Variants in ABHD12B observed in about 807,000 individuals in gnomAD.
ABHD12B encodes the protein protein ABHD12B.
A neutral mutation model predicts 50.4 loss-of-function variants in ABHD12B; 42 were observed. That is an observed-to-expected ratio of 0.83 (90% CI 0.65 to 1.08). ABHD12B has a LOEUF of 1.08. Among genes scored for constraint, ABHD12B ranks in the 50% least tolerant of loss-of-function variants. ABHD12B has a pLI of 0.00. For missense variants in ABHD12B, 479 were observed against 447.7 expected, an observed-to-expected ratio of 1.07 and a Z score of -0.63; for synonymous variants, 167 against 160.3, an observed-to-expected ratio of 1.04 and a Z score of -0.32.
Position 50,881,159 on chromosome 14 carries a change from T to C in ABHD12B, c.456-437T>C, listed in dbSNP as rs183048300. On this transcript the variant is annotated intron_variant, in intron 4 of 12. Transcript: ENST00000337334. ...CCAGGAGTCTGGCTCCCCTTCGATG[T>C]GCTGTCAGAGCCTTTTTGGGCCTGT... Among the ~76,000 whole-genome samples, 3 of 152,294 alleles carry C rather than the reference T, an allele frequency of 2.0e-5. No homozygotes were observed. In the East Asian group the frequency reaches 5.8e-4, roughly 29 times the overall value.
rs139100351 is a variant in ABHD12B at position 50,903,441 on chromosome 14, A to C, written c.916A>C (p.Thr306Pro). Residue 306 changes from threonine (T) to proline (P), a missense_variant, in exon 11 of 13, where the codon ACA (threonine) becomes CCA (proline). Transcript: ENST00000337334. The stretch of plus-strand genomic sequence containing the variant: ...CATCTTACATGGAGAGGATGACAGG[A>C]CAGTGCCTTTGGAGTATGGGAAAAA... ...LLILHGEDDRTVPLEYGKKLY... is the reference protein window; with the variant it reads ...LLILHGEDDRPVPLEYGKKLY... 2 of 1,612,774 alleles carry C rather than the reference A, an allele frequency of 1.2e-6. No individual in the cohort carries two copies. The highest frequency in any genetic ancestry group is 2.7e-5 in the African/African-American group (2 of 74,864).
At chr14:50,882,382 T>TTTTTTTTTTTTTTTTTTTTTG (rs1321823420) in intron 5 of ABHD12B, among the ~76,000 whole-genome samples, 1 of 132,594 alleles carries the variant, frequency 7.5e-6, no homozygotes, top group African/African-American at 3.0e-5. Context: ...GCTTTTTTTT[T>TTTTTTTTTTTTTTTTTTTTTG]TTTTTTTTTT....
intron 1 of ABHD12B, among the ~76,000 whole-genome samples, chr14:50,875,568 A>G (rs527896329): frequency 1.8e-4 from 28 of 152,324 alleles, no homozygotes; most frequent in Non-Finnish European, 3.8e-4. Context: ...ACACCAAAGC[A>G]CCAAGGTGGC....
chr14:50,881,729 AG>A, intron 5 of ABHD12B, 103 bp downstream of exon 5: 8 of 1,402,544 alleles, frequency 5.7e-6, no homozygotes, highest in Non-Finnish European at 8.1e-6. Flanking sequence ...AGAGGTCTCC[AG>A]GGTACTGGTC....
intron 9 of ABHD12B, chr14:50,892,486 C>T (rs1170536167): frequency 2.0e-5 from 20 of 985,120 alleles, no homozygotes; most frequent in African/African-American, 3.5e-5. Flanking sequence ...GGAGGAGGGG[C>T]GGGAGGATGG....
intron 12 of ABHD12B, 35 bp from the exon 13 acceptor site, chr14:50,904,304 A>G (rs1237684125): frequency 1.2e-6 from 2 of 1,614,106 alleles, no homozygotes; most frequent in East Asian, 4.5e-5. Context: ...TAGGTAGGGA[A>G]AGGGTGTGAG....
Position 50,872,082 on chromosome 14 carries a change from C to A in ABHD12B, c.-93C>A. 1.0e-6 allele frequency: 1 copy of A among 960,190 alleles called. No homozygotes were observed. Among genetic ancestry groups the A allele is most frequent in the Non-Finnish European group, 1.3e-6 (1 of 752,112 alleles). The allele number at this position is 960,190 out of a possible 1,614,324, so 59.5% of individuals were successfully genotyped here. A position where few individuals can be genotyped will look rare whatever the true frequency, so the allele number is the denominator to read the frequency against. ...TGCCTGACCGCGCGGAGGAGGAGGGCGGGCGCGGTGCCGCCGGGGCGGGAA... is the reference window on the plus strand; with the variant it reads ...TGCCTGACCGCGCGGAGGAGGAGGGAGGGCGCGGTGCCGCCGGGGCGGGAA... On this transcript the variant is annotated 5_prime_UTR_variant, in exon 1 of 13. Transcript: ENST00000337334.
chr14:50,872,651 G>A (rs1029446631), intron 1 of ABHD12B, among the ~76,000 whole-genome samples: 4 of 152,194 alleles, frequency 2.6e-5, no homozygotes, highest in Non-Finnish European at 5.9e-5. Flanking sequence ...TAGTAATAGT[G>A]ACAATAGTAA....
Position 50,903,604 on chromosome 14 carries a change from T to C in ABHD12B, c.942+137T>C. The C allele has an allele frequency of 1.2e-5, 7 of 607,250 alleles. No homozygotes were observed. In the South Asian group the frequency reaches 1.7e-4, roughly 15 times the overall value. 37.6% of individuals were successfully genotyped at this position (607,250 alleles called of 1,614,324 possible). ...ATTCTCTACACCCCTAAATAGCCTCTATAGGTTTATAAAATGGGTATCAGC... is the reference window on the plus strand; with the variant it reads ...ATTCTCTACACCCCTAAATAGCCTCCATAGGTTTATAAAATGGGTATCAGC... On this transcript the variant is annotated intron_variant, in intron 11 of 12. Coordinates refer to ENST00000337334, the MANE Select transcript of ABHD12B (RefSeq NM_001206673.2).
chr14:50,897,921 AAAGGCAGGGAGAATTC>A (rs1396628571), intron 9 of ABHD12B, among the ~76,000 whole-genome samples: 2 of 152,210 alleles, frequency 1.3e-5, no homozygotes, highest in East Asian at 3.8e-4. Flanking sequence ...TATGGCAGGA[AAAGGCAGGGAGAATTC>A]AAGGCAGGGA....
chr14:50,876,987 G>A (rs2142720304), intron 1 of ABHD12B, among the ~76,000 whole-genome samples: 3 of 152,324 alleles, frequency 2.0e-5, no homozygotes, highest in Admixed American at 2.0e-4. Flanking sequence ...ACCCTCACAA[G>A]AGAGGTGGCT....
At chr14:50,900,670 A>G (rs1596024069) in intron 9 of ABHD12B, among the ~76,000 whole-genome samples, 3 of 152,320 alleles carry the variant, frequency 2.0e-5, no homozygotes, top group Admixed American at 2.0e-4. Flanking sequence ...GGGAAAATAT[A>G]GAGATCTCAG....
chr14:50,876,603 T>A (rs561898737), intron 1 of ABHD12B, among the ~76,000 whole-genome samples: 1 of 152,302 alleles, frequency 6.6e-6, no homozygotes, highest in South Asian at 2.1e-4. Context: ...TCTGCTTACA[T>A]GGATGTCACC....
At chr14:50,874,689 C>A (rs142494250) in intron 1 of ABHD12B, among the ~76,000 whole-genome samples, 2 of 152,262 alleles carry the variant, frequency 1.3e-5, no homozygotes, top group African/African-American at 4.8e-5. Flanking sequence ...CTCCTCATTT[C>A]CCCCATTCCA....
chr14:50,901,850 T>A lies in ABHD12B; in HGVS notation c.802T>A (p.Phe268Ile). 6.3e-7 allele frequency: 1 copy of A among 1,593,962 alleles called. No individual in the cohort carries two copies. Among genetic ancestry groups the A allele is most frequent in the Non-Finnish European group, 8.5e-7 (1 of 1,174,414 alleles). Residue 268 changes from phenylalanine to isoleucine, a missense_variant, in exon 10 of 13, where the codon TTT (phenylalanine) becomes ATT (isoleucine). Physicochemically the swap from Phe to Ile is conservative, Grantham distance 21 (BLOSUM62 0). Coordinates refer to ENST00000337334, the MANE Select transcript of ABHD12B (RefSeq NM_001206673.2). ...ATAGATTTACCGGAACATTCCAGGATTTTTACGTACACTTATGGATGCCCT... is the reference window on the plus strand; with the variant it reads ...ATAGATTTACCGGAACATTCCAGGAATTTTACGTACACTTATGGATGCCCT... ...LLKIYRNIPG[F>I]LRTLMDALRK...
chr14:50,903,571 T>A, intron 11 of ABHD12B, 104 bp downstream of exon 11: 1 of 885,458 alleles, frequency 1.1e-6, no homozygotes, highest in Non-Finnish European at 1.7e-6. Context: ...TCTCTGACAT[T>A]ATAGGAGATT....
chr14:50,888,624 T>C (rs1186629675), intron 8 of ABHD12B, among the ~76,000 whole-genome samples, 200 bp from the exon 9 acceptor site: 1 of 152,200 alleles, frequency 6.6e-6, no homozygotes, highest in Non-Finnish European at 1.5e-5. Context: ...CGTGTTAAAA[T>C]GCACATTCTC....
chr14:50,895,774 C>T (rs957118712), intron 9 of ABHD12B: 2 of 152,164 alleles, frequency 1.3e-5, no homozygotes, highest in African/African-American at 2.4e-5. Flanking sequence ...TCCCCATTAC[C>T]TTCTTTTCAA....
Position 50,904,397 on chromosome 14 carries a change from AC to A in ABHD12B, c.*32del. 1.2e-6 allele frequency: 2 copies of A among 1,613,646 alleles called. No homozygotes were observed. Among genetic ancestry groups the A allele is most frequent in the South Asian group, 2.2e-5 (2 of 91,082 alleles). On this transcript the variant is annotated 3_prime_UTR_variant, in exon 13 of 13. Transcript: ENST00000337334. ...GGAGGAGTGGAAATCTTCAATGAAG[AC>A]TTGGCCCAAACACCACCTGTGATGT...
Sources: allele counts gnomAD v4.1 joint callset (sites outside exome capture counted in the v4.1 genomes callset), GRCh38; gene constraint gnomAD v4.1.1; transcripts MANE v1.5; gene names NCBI Gene and HGNC (gene_info 2026-07-23, HGNC 2026-07-21).